The following CNTNAP2 variants were observed in gnomAD, a reference collection of about 807,000 sequenced individuals.
The protein encoded by CNTNAP2 is contactin-associated protein-like 2.
In CNTNAP2, 98 loss-of-function variants were observed where a neutral mutation model predicts 155.2. The observed-to-expected ratio is 0.63, with a 90% CI of 0.54 to 0.75. The LOEUF (loss-of-function observed/expected upper bound fraction) is 0.75. CNTNAP2 is among the 30% of genes least tolerant of loss of function. CNTNAP2 has a pLI of 0.00. For synonymous variants in CNTNAP2, 651 were observed against 631.2 expected (o/e 1.03, Z -0.47); for missense variants, 1,727 against 1,688.1 (o/e 1.02, Z -0.40).
chr7:148,358,683 C>T (rs748059360), intron 21 of CNTNAP2, among the ~76,000 whole-genome samples: 2 of 152,070 alleles, frequency 1.3e-5, no homozygotes, highest in East Asian at 1.9e-4. Context: ...CTTTCAAGCG[C>T]GTAATCAGGA....
intron 14 of CNTNAP2, among the ~76,000 whole-genome samples, chr7:147,956,104 C>T (rs1424490887): frequency 1.3e-5 from 2 of 152,080 alleles, no homozygotes; most frequent in African/African-American, 4.8e-5. Context: ...CTTTCAACTA[C>T]CACAAAAATA....
intron 17 of CNTNAP2, among the ~76,000 whole-genome samples, chr7:148,166,528 C>T (rs1312808807): frequency 6.6e-6 from 1 of 151,562 alleles, no homozygotes; most frequent in East Asian, 1.9e-4. Context: ...TGTTTTTGCC[C>T]TTTTTGTTTA....
chr7:146,735,511 C>T (rs781161449), intron 1 of CNTNAP2, among the ~76,000 whole-genome samples: 5 of 151,976 alleles, frequency 3.3e-5, no homozygotes, highest in African/African-American at 7.2e-5. Flanking sequence ...GCCGAGATAG[C>T]GCCACTGCAC....
At chr7:147,540,102 G>T (rs1799612966) in intron 11 of CNTNAP2, among the ~76,000 whole-genome samples, 1 of 151,988 alleles carries the variant, frequency 6.6e-6, no homozygotes, top group South Asian at 2.1e-4. Flanking sequence ...CAAATGTTCT[G>T]CATTACTTTG....
intron 2 of CNTNAP2, among the ~76,000 whole-genome samples, chr7:146,800,253 C>T (rs1802850551): frequency 6.6e-6 from 1 of 151,638 alleles, no homozygotes; most frequent in East Asian, 2.0e-4. Flanking sequence ...TTTGAAATGC[C>T]ACCACCAAGA....
chr7:147,333,578 C>T (rs1275590833), intron 9 of CNTNAP2, among the ~76,000 whole-genome samples: 1 of 152,064 alleles, frequency 6.6e-6, no homozygotes, highest in Non-Finnish European at 1.5e-5. Context: ...TTTGAAATAT[C>T]ATACTTGTTC....
intron 4 of CNTNAP2, among the ~76,000 whole-genome samples, chr7:147,054,596 A>T (rs1799526632): frequency 6.6e-6 from 1 of 152,158 alleles, no homozygotes; most frequent in South Asian, 2.1e-4. Flanking sequence ...TATATAAGTG[A>T]TTCCTTTATT....
intron 1 of CNTNAP2, among the ~76,000 whole-genome samples, chr7:146,749,435 C>G (rs1316794826): frequency 6.6e-6 from 1 of 152,136 alleles, no homozygotes; most frequent in Non-Finnish European, 1.5e-5. Context: ...TTCTTAACTA[C>G]TAGATTATCT....
intron 1 of CNTNAP2, among the ~76,000 whole-genome samples, chr7:146,573,057 G>A (rs377140702): frequency 2.7e-4 from 41 of 152,194 alleles, no homozygotes; most frequent in African/African-American, 7.7e-4. Context: ...AGTGTTATGC[G>A]TCTCTTTGGG....
intron 1 of CNTNAP2, among the ~76,000 whole-genome samples, chr7:146,534,695 A>G (rs1584968321): frequency 6.6e-6 from 1 of 151,970 alleles, no homozygotes; most frequent in Non-Finnish European, 1.5e-5. Flanking sequence ...GATTGTTTTC[A>G]GTCCTACTCT....
intron 14 of CNTNAP2, among the ~76,000 whole-genome samples, chr7:147,950,105 G>T (rs1358991818): frequency 6.6e-6 from 1 of 151,872 alleles, no homozygotes; most frequent in African/African-American, 2.4e-5. Flanking sequence ...CAGAATCCTG[G>T]GGGGTGTTTC....
At chr7:148,383,132 G>A (rs1015101345) in intron 21 of CNTNAP2, among the ~76,000 whole-genome samples, 1 of 152,048 alleles carries the variant, frequency 6.6e-6, no homozygotes, top group Admixed American at 6.6e-5. Context: ...GAATTCCAAG[G>A]GGATTGGATT....
chr7:147,492,185 C>A (rs571902362), intron 11 of CNTNAP2, among the ~76,000 whole-genome samples: 1 of 152,234 alleles, frequency 6.6e-6, no homozygotes, highest in Admixed American at 6.5e-5. Context: ...GATCACCAGG[C>A]ATTAGTTGAA....
chr7:146,141,996 C>T (rs1248691816), intron 1 of CNTNAP2, among the ~76,000 whole-genome samples: 2 of 152,128 alleles, frequency 1.3e-5, no homozygotes, highest in African/African-American at 4.8e-5. Context: ...CTGACAGCTG[C>T]TATGACTTCT....
intron 1 of CNTNAP2, among the ~76,000 whole-genome samples, chr7:146,262,947 G>A (rs896446332): frequency 6.6e-6 from 1 of 152,156 alleles, no homozygotes; most frequent in Non-Finnish European, 1.5e-5. Context: ...AGGTGTGAGA[G>A]CCCTGGCATC....
intron 9 of CNTNAP2, among the ~76,000 whole-genome samples, chr7:147,384,133 G>GAGA (rs1276798756): frequency 6.6e-6 from 1 of 152,140 alleles, no homozygotes; most frequent in South Asian, 2.1e-4. Context: ...GAGATGCATA[G>GAGA]AGAAGAGTAT....
At chr7:148,055,862 AT>A (rs1267969412) in intron 15 of CNTNAP2, among the ~76,000 whole-genome samples, 2 of 152,092 alleles carry the variant, frequency 1.3e-5, no homozygotes, top group African/African-American at 4.8e-5. Context: ...GGTTTCTTAT[AT>A]TTTGGTCCCC....
At chr7:146,242,025 C>G (rs988881898) in intron 1 of CNTNAP2, among the ~76,000 whole-genome samples, 2 of 152,238 alleles carry the variant, frequency 1.3e-5, no homozygotes, top group Non-Finnish European at 2.9e-5. Context: ...AACTTCTTCA[C>G]ATGTCAATTT....
In CNTNAP2 at chr7:146,239,726, T is replaced by C. The variant is rs184171411; in HGVS notation, c.97+122753T>C. ...AACCCTGGTAAATCTGATACTTGTG[T>C]TTTATAGTCAAAGTTGAGCATTTTA... On this transcript the variant is annotated intron_variant, in intron 1 of 23. Coordinates refer to ENST00000361727, the MANE Select transcript of CNTNAP2 (RefSeq NM_014141.6). Among the ~76,000 whole-genome samples the C allele has an allele frequency of 1.2e-4, 19 of 152,338 alleles. No individual in the cohort carries two copies. The East Asian group carries it at 3.7e-3, about 29-fold the overall frequency.
Sources: allele counts gnomAD v4.1 joint callset (sites outside exome capture counted in the v4.1 genomes callset), GRCh38; gene constraint gnomAD v4.1.1; transcripts MANE v1.5; gene names NCBI Gene and HGNC (gene_info 2026-07-23, HGNC 2026-07-21).